The following ST6GALNAC3 variants were observed in gnomAD, a reference collection of about 807,000 sequenced individuals.
ST6GALNAC3 encodes alpha-N-acetylgalactosaminide alpha-2,6-sialyltransferase 3.
A neutral mutation model predicts 32.7 loss-of-function variants in ST6GALNAC3; 25 were observed. The ratio of observed to expected loss-of-function variants is 0.76; its 90% CI spans 0.56 to 1.07. The LOEUF (loss-of-function observed/expected upper bound fraction) is 1.07. Among genes scored for constraint, ST6GALNAC3 ranks in the 50% least tolerant of loss-of-function variants. The pLI is 0.00. For synonymous variants in ST6GALNAC3, 129 were observed against 133.1 expected (o/e 0.97, Z 0.21); for missense variants, 355 against 382.4 (o/e 0.93, Z 0.60).
In ST6GALNAC3 at chr1:76,156,487, A is replaced by T. The variant is rs1051414848; in HGVS notation, c.18+81603A>T. On this transcript the variant is annotated intron_variant, in intron 1 of 4. Coordinates refer to ENST00000328299, the MANE Select transcript of ST6GALNAC3 (RefSeq NM_152996.4). ...TTTATTTCTATCAATATGGACTCAT[A>T]GAGATTTATTCCATACTTTGAGTTA... 4.6e-5 allele frequency among the ~76,000 whole-genome samples: 7 copies of T among 152,206 alleles called. No homozygotes were observed. The East Asian group carries it at 1.4e-3, about 29-fold the overall frequency.
chr1:76,624,083 G>A (rs1004408933), intron 3 of ST6GALNAC3, among the ~76,000 whole-genome samples: 18 of 151,904 alleles, frequency 1.2e-4, no homozygotes, highest in Non-Finnish European at 2.2e-4. Flanking sequence ...GAGGCATCAG[G>A]GAAAGGAACT....
intron 1 of ST6GALNAC3, among the ~76,000 whole-genome samples, chr1:76,165,108 T>G (rs1416888950): frequency 6.6e-6 from 1 of 152,138 alleles, no homozygotes; most frequent in Non-Finnish European, 1.5e-5. Flanking sequence ...CAGATTGTTT[T>G]GTTGACCAGG....
intron 3 of ST6GALNAC3, among the ~76,000 whole-genome samples, chr1:76,459,128 T>C (rs1658089783): frequency 6.6e-6 from 1 of 152,198 alleles, no homozygotes; most frequent in Non-Finnish European, 1.5e-5. Context: ...TTAAGTTTTA[T>C]AGAAATAATC....
chr1:76,236,083 C>CT (rs1303049032), intron 1 of ST6GALNAC3, among the ~76,000 whole-genome samples: 8 of 151,950 alleles, frequency 5.3e-5, no homozygotes, highest in African/African-American at 1.9e-4. Flanking sequence ...TGAAGCGACT[C>CT]TCTTGCCTCA....
At chr1:76,495,832 A>G (rs1446535310) in intron 3 of ST6GALNAC3, among the ~76,000 whole-genome samples, 1 of 152,178 alleles carries the variant, frequency 6.6e-6, no homozygotes, top group African/African-American at 2.4e-5. Flanking sequence ...CGAAATGGTA[A>G]ATCAAATATC....
chr1:76,194,767 A>G (rs1319494024), intron 1 of ST6GALNAC3, among the ~76,000 whole-genome samples: 1 of 152,206 alleles, frequency 6.6e-6, no homozygotes, highest in Non-Finnish European at 1.5e-5. Context: ...AATTGTGGAC[A>G]TTCTGTTTTG....
chr1:76,442,509 G>C (rs985129742), intron 3 of ST6GALNAC3, among the ~76,000 whole-genome samples: 59 of 152,300 alleles, frequency 3.9e-4, no homozygotes, highest in African/African-American at 1.4e-3. Context: ...CATCCTAGTG[G>C]CAATGTATTT....
At chr1:76,195,655 C>T (rs1654161486) in intron 1 of ST6GALNAC3, among the ~76,000 whole-genome samples, 1 of 152,266 alleles carries the variant, frequency 6.6e-6, no homozygotes, top group African/African-American at 2.4e-5. Context: ...CAAATGTCAA[C>T]ATGGTTAAAA....
At chr1:76,568,705 A>G (rs1665693869) in intron 3 of ST6GALNAC3, among the ~76,000 whole-genome samples, 2 of 152,276 alleles carry the variant, frequency 1.3e-5, no homozygotes, top group South Asian at 2.1e-4. Context: ...GACACGCAGT[A>G]TAGTGCTTCG....
At chr1:76,576,703 G>C (rs966175205) in intron 3 of ST6GALNAC3, 51 of 519,436 alleles carry the variant, frequency 9.8e-5, no homozygotes, top group Admixed American at 3.7e-4. Flanking sequence ...CAGAAAAAAT[G>C]CCAGAGGAAA....
chr1:76,508,678 C>A (rs1389346333), intron 3 of ST6GALNAC3, among the ~76,000 whole-genome samples: 1 of 152,072 alleles, frequency 6.6e-6, no homozygotes, highest in African/African-American at 2.4e-5. Flanking sequence ...CAAGCACCAG[C>A]CAGGGGCTTA....
rs532304087 is a variant in ST6GALNAC3, at chr1:76,348,481, C to G, written c.213+34482C>G. Among the ~76,000 whole-genome samples the G allele has an allele frequency of 7.9e-5, 12 of 152,290 alleles. No homozygotes were observed. The South Asian group carries it at 2.5e-3, about 32-fold the overall frequency. On this transcript the variant is annotated intron_variant, in intron 2 of 4. Coordinates refer to ENST00000328299, the MANE Select transcript of ST6GALNAC3 (RefSeq NM_152996.4). Reference sequence around the variant, plus strand: ...CACTCTAATTTAAGGTTTTCCATGCCAGGATGAACCTCCTATCATCCAAAC... The same window carrying G: ...CACTCTAATTTAAGGTTTTCCATGCGAGGATGAACCTCCTATCATCCAAAC...
chr1:76,426,544 G>GAT (rs35312320), intron 3 of ST6GALNAC3, among the ~76,000 whole-genome samples: 2,659 of 146,628 alleles, frequency 0.018, 47 homozygotes, highest in East Asian at 0.061. Flanking sequence ...CTGTTTTACA[G>GAT]ATATATATAT....
chr1:76,102,239 G>A (rs1292060098), intron 1 of ST6GALNAC3, among the ~76,000 whole-genome samples: 1 of 122,584 alleles, frequency 8.2e-6, no homozygotes, highest in African/African-American at 2.6e-5. Flanking sequence ...GTGTGTTTGT[G>A]TGTGTGTGTG....
chr1:76,435,818 C>A (rs956052151), intron 3 of ST6GALNAC3, among the ~76,000 whole-genome samples: 2 of 151,908 alleles, frequency 1.3e-5, no homozygotes, highest in African/African-American at 4.8e-5. Context: ...TAGCAACCAA[C>A]AACAGACCTA....
At chr1:76,471,291 C>T (rs1027513852) in intron 3 of ST6GALNAC3, among the ~76,000 whole-genome samples, 1 of 152,128 alleles carries the variant, frequency 6.6e-6, no homozygotes. Context: ...TGATTTCCTT[C>T]ATCTACTGTC....
chr1:76,158,808 C>G (rs1486010800), intron 1 of ST6GALNAC3, among the ~76,000 whole-genome samples: 2 of 152,122 alleles, frequency 1.3e-5, no homozygotes, highest in Admixed American at 1.3e-4. Flanking sequence ...TTACTTAGTG[C>G]TTTGTAATGT....
At chr1:76,284,075 G>A (rs1426613339) in intron 1 of ST6GALNAC3, among the ~76,000 whole-genome samples, 2 of 152,168 alleles carry the variant, frequency 1.3e-5, no homozygotes, top group Admixed American at 6.5e-5. Context: ...TGCATAGGAT[G>A]TTAAAAGAAC....
intron 1 of ST6GALNAC3, among the ~76,000 whole-genome samples, chr1:76,171,726 A>G (rs1652512775): frequency 1.3e-5 from 2 of 151,916 alleles, no homozygotes; most frequent in South Asian, 4.1e-4. Flanking sequence ...ACACCCTACC[A>G]AGACTAAACC....
Sources: allele counts gnomAD v4.1 joint callset (sites outside exome capture counted in the v4.1 genomes callset), GRCh38; gene constraint gnomAD v4.1.1; transcripts MANE v1.5; gene names NCBI Gene and HGNC (gene_info 2026-07-23, HGNC 2026-07-21).